ZNF536: variants seen among roughly 807,000 people sequenced by gnomAD.
ZNF536 encodes the protein zinc finger protein 536.
In ZNF536, 13 loss-of-function variants were observed where a neutral mutation model predicts 84.5. The ratio of observed to expected loss-of-function variants is 0.15; its 90% CI spans 0.10 to 0.24. The LOEUF is 0.24. Ranked by LOEUF, ZNF536 falls within the 10% of genes least tolerant of loss-of-function variation. The pLI is 1.00. For missense variants in ZNF536, 1,536 were observed against 1,747.5 expected, an observed-to-expected ratio of 0.88 and a Z score of 2.16; for synonymous variants, 811 against 742.5, an observed-to-expected ratio of 1.09 and a Z score of -1.50.
intron 1 of ZNF536, among the ~76,000 whole-genome samples, chr19:30,257,368 TG>T (rs2145193891): frequency 6.6e-6 from 1 of 152,310 alleles, no homozygotes; most frequent in African/African-American, 2.4e-5. Flanking sequence ...TTTTCGAAGG[TG>T]GGGCAAATGT....
At chr19:30,600,721 G>A (rs560106120) in intron 1 of ZNF536, among the ~76,000 whole-genome samples, 21 of 152,312 alleles carry the variant, frequency 1.4e-4, no homozygotes, top group Non-Finnish European at 2.5e-4. Context: ...TGGTGCAAAC[G>A]TTCAGGCGTG....
At chr19:30,242,316 C>T (rs1169215468) in intron 1 of ZNF536, among the ~76,000 whole-genome samples, 1 of 152,142 alleles carries the variant, frequency 6.6e-6, no homozygotes, top group Non-Finnish European at 1.5e-5. Context: ...TGTTGGGGTT[C>T]ACAAGGGAGT....
intron 3 of ZNF536, 90 bp downstream of exon 3, chr19:30,535,089 TG>T: frequency 1.6e-5 from 23 of 1,441,204 alleles, no homozygotes; most frequent in Non-Finnish European, 2.1e-5. Flanking sequence ...CACAGCTGTG[TG>T]GGTCACTAAC....
At chr19:30,602,120 G>C (rs1286133388) in intron 1 of ZNF536, among the ~76,000 whole-genome samples, 2 of 152,208 alleles carry the variant, frequency 1.3e-5, no homozygotes, top group East Asian at 3.9e-4. Context: ...ACGAATTAGG[G>C]TGCACAATGA....
chr19:30,446,248 C>CAAAAAAAAAAAAAAAAAAAAAAAAAAAAA (rs1177505634), intron 2 of ZNF536, among the ~76,000 whole-genome samples: 16 of 29,178 alleles, frequency 5.5e-4, no homozygotes, highest in Non-Finnish European at 6.8e-4. Context: ...GACACTGTCT[C>CAAAAAAAAAAAAAAAAAAAAAAAAAAAAA]AAAAAAAAAA....
rs1008703319 is a variant in ZNF536, at chr19:30,286,354, G to T, written c.-120+2213G>T. Reference sequence around the variant, plus strand: ...GCACCACAGTCCTCACAGCCCCAGAGACCTTCAACAGAAAAATAAATGGGA... The same window carrying T: ...GCACCACAGTCCTCACAGCCCCAGATACCTTCAACAGAAAAATAAATGGGA... On this transcript the variant is annotated intron_variant, in intron 2 of 5. Transcript: ENST00000585628. 2.2e-4 allele frequency among the ~76,000 whole-genome samples: 33 copies of T among 152,152 alleles called. 1 individual carries two copies. Among genetic ancestry groups the T allele is most frequent in the Non-Finnish European group, 2.9e-5 (2 of 68,030 alleles).
intron 1 of ZNF536, among the ~76,000 whole-genome samples, chr19:30,648,691 T>A (rs190137944): frequency 4.2e-4 from 64 of 152,300 alleles, no homozygotes; most frequent in Middle Eastern, 6.8e-3. Context: ...TGCGTGAAAT[T>A]TGCCCACAAA....
intron 1 of ZNF536, among the ~76,000 whole-genome samples, chr19:30,229,571 T>TGG (rs60120185): frequency 0.069 from 10,446 of 151,418 alleles, 406 homozygotes; most frequent in African/African-American, 0.11. Context: ...CTGCGGGTGG[T>TGG]GGGGGGGGCT....
At chr19:30,697,988 A>G (rs1315885091) in intron 1 of ZNF536, among the ~76,000 whole-genome samples, 3 of 152,214 alleles carry the variant, frequency 2.0e-5, no homozygotes, top group African/African-American at 7.2e-5. Context: ...ATGGATTTAG[A>G]TTTATAAAAA....
At chr19:30,623,141 C>A (rs1376083328) in intron 1 of ZNF536, among the ~76,000 whole-genome samples, 2 of 151,652 alleles carry the variant, frequency 1.3e-5, no homozygotes, top group Non-Finnish European at 2.9e-5. Context: ...GTCTCCTACC[C>A]CATATCCATT....
intron 1 of ZNF536, among the ~76,000 whole-genome samples, chr19:30,414,352 C>A (rs989629834): frequency 3.3e-5 from 5 of 151,844 alleles, no homozygotes; most frequent in African/African-American, 1.2e-4. Context: ...TGATTTTAAC[C>A]CATTAACATT....
chr19:30,609,874 C>A (rs966296791), intron 1 of ZNF536, among the ~76,000 whole-genome samples: 1 of 149,762 alleles, frequency 6.7e-6, no homozygotes, highest in Non-Finnish European at 1.5e-5. Flanking sequence ...ACCCATTTAT[C>A]CATCCATCCA....
At chr19:30,346,048 A>G (rs1430184867) in intron 2 of ZNF536, among the ~76,000 whole-genome samples, 1 of 152,200 alleles carries the variant, frequency 6.6e-6, no homozygotes, top group East Asian at 1.9e-4. Context: ...TAAGTCTTCC[A>G]TGCCACTATG....
At position 30,548,563 on chromosome 19, in the gene ZNF536, C is replaced by T. The variant is rs767744882; in HGVS notation, c.2944C>T (p.Pro982Ser). ...QYEPLDLSVR[P>S]DAASLPGSSV... is the part of the protein sequence containing the mutation. ...TGAACCCCTGGACTTGTCTGTGCGG[C>T]CAGATGCCGCCTCCCTCCCGGGCTC... Residue 982 changes from proline (P) to serine (S), a missense_variant, in exon 4 of 5, where the codon CCA (proline) becomes TCA (serine). By Grantham distance (74) the Pro-to-Ser change is moderately conservative. Around this residue, in one of 8 missense-constraint regions of ZNF536, gnomAD observed 624 missense variants for 603.1 expected, o/e 1.03. Coordinates refer to ENST00000355537, the MANE Select transcript of ZNF536 (RefSeq NM_014717.3). The T allele has an allele frequency of 8.7e-6, 14 of 1,614,016 alleles. No homozygotes were observed. Among genetic ancestry groups the T allele is most frequent in the Non-Finnish European group, 1.2e-5 (14 of 1,180,050 alleles).
chr19:30,605,346 C>G (rs578105845), intron 1 of ZNF536, among the ~76,000 whole-genome samples: 2 of 152,108 alleles, frequency 1.3e-5, no homozygotes, highest in South Asian at 4.2e-4. Flanking sequence ...CCAAACCTCC[C>G]CCACCGCCAA....
intron 1 of ZNF536, among the ~76,000 whole-genome samples, chr19:30,266,683 A>G (rs1350672740): frequency 6.6e-6 from 1 of 152,228 alleles, no homozygotes; most frequent in Non-Finnish European, 1.5e-5. Context: ...GAAGCCACGA[A>G]TTATTTACGT....
exon 2 of ZNF536, chr19:30,713,380 A>G (rs1411152776): frequency 6.6e-6 from 1 of 152,238 alleles, no homozygotes; most frequent in Non-Finnish European, 1.5e-5. Context: ...ATCTTGGAGG[A>G]AATCTGAGAT....
intron 2 of ZNF536, among the ~76,000 whole-genome samples, chr19:30,332,256 C>T (rs2047235475): frequency 6.6e-6 from 1 of 152,214 alleles, no homozygotes. Flanking sequence ...CCTCACTCTC[C>T]CTCCACCAAT....
chr19:30,599,745 A>G (rs2047615222), intron 1 of ZNF536, among the ~76,000 whole-genome samples: 2 of 152,156 alleles, frequency 1.3e-5, no homozygotes, highest in African/African-American at 4.8e-5. Context: ...ACAGTCGAGG[A>G]CCTGATGAGG....
Sources: gnomAD v4.1 joint callset for allele counts (sites outside exome capture counted in the v4.1 genomes callset) on GRCh38, gnomAD v4.1.1 for gene constraint, gnomAD v4.1.1 regional missense constraint, MANE v1.5 for transcripts, NCBI Gene and HGNC (gene_info 2026-07-23, HGNC 2026-07-21) for gene names.